Variants in MET observed in about 807,000 individuals in gnomAD.
MET encodes MET proto-oncogene, receptor tyrosine kinase, also known as hepatocyte growth factor receptor.
Under a neutral mutation model 133.1 loss-of-function variants are expected in MET, and 48 were observed. That is an observed-to-expected ratio of 0.36 (90% confidence interval 0.29 to 0.46). The LOEUF is 0.46. Ranked by LOEUF, MET falls within the 20% of genes least tolerant of loss-of-function variation. MET has a pLI of 1.00. For synonymous variants in MET, 628 were observed against 616.5 expected (o/e 1.02, Z -0.28); for missense variants, 1,442 against 1,695.9 (o/e 0.85, Z 2.63).
At chr7:116,726,133 CTATATATATGTATATA>C (rs1562899950) in intron 2 of MET, among the ~76,000 whole-genome samples, 1 of 7,818 alleles carries the variant, frequency 1.3e-4, no homozygotes, top group Non-Finnish European at 2.6e-4. Flanking sequence ...CAGCACATGA[CTATATATATGTATATA>C]TATATATATA....
At chr7:116,740,308 T>A (rs751079775) in intron 4 of MET, among the ~76,000 whole-genome samples, 2 of 152,204 alleles carry the variant, frequency 1.3e-5, no homozygotes, top group African/African-American at 4.8e-5. Context: ...TCTCCTTTTG[T>A]CCTATATTTC....
At chr7:116,770,119 G>A (rs1794784787) in intron 12 of MET, among the ~76,000 whole-genome samples, 1 of 152,152 alleles carries the variant, frequency 6.6e-6, no homozygotes, top group Admixed American at 6.5e-5. Flanking sequence ...ACCCCAGGAG[G>A]CCAGAGCCAG....
At chr7:116,686,245 G>T (rs190577791) in intron 1 of MET, among the ~76,000 whole-genome samples, 2 of 152,284 alleles carry the variant, frequency 1.3e-5, no homozygotes, top group Non-Finnish European at 2.9e-5. Flanking sequence ...TCAGCTCCCG[G>T]TCAACAAAGT....
At chr7:116,697,651 T>G (rs1034950470) in intron 1 of MET, among the ~76,000 whole-genome samples, 2 of 152,202 alleles carry the variant, frequency 1.3e-5, no homozygotes, top group African/African-American at 4.8e-5. Flanking sequence ...TTTAACACCT[T>G]CTGCATCTCA....
chr7:116,700,263 T>C lies in MET; in HGVS notation c.1179T>C (p.Asn393=), dbSNP rs1430726033. Residue 393 remains asparagine, a synonymous_variant, in exon 2 of 21, where the codon AAT becomes AAC. Coordinates refer to ENST00000397752, the MANE Select transcript of MET (RefSeq NM_000245.4). ...GTCTCCAGCATTTTTACGGACCCAATCATGAGCACTGCTTTAATAGGGTAA... is the reference window on the plus strand; with the variant it reads ...GTCTCCAGCATTTTTACGGACCCAACCATGAGCACTGCTTTAATAGGGTAA... ...VRCLQHFYGP[N]HEHCFNRTLL... is the part of the protein sequence containing the mutation. 6.2e-7 allele frequency: 1 copy of C among 1,603,156 alleles called. No individual in the cohort carries two copies. The highest frequency in any genetic ancestry group is 8.5e-7 in the Non-Finnish European group (1 of 1,178,144).
rs1209392687 is a variant in MET, at chr7:116,769,717, C to T, written c.2656C>T (p.His886Tyr). ...TGGAAATAAGAGCTGTGAGAATATA[C>T]ACTTACATTCTGAAGCCGTTTTATG... ...KVGNKSCENI[H>Y]LHSEAVLCTV... The change falls in exon 12 of 21, where the codon CAC (histidine) becomes TAC (tyrosine). Residue 886 changes from histidine to tyrosine, a missense_variant. Physicochemically the swap from His to Tyr is moderately conservative, Grantham distance 83. Around this residue, in one of 6 missense-constraint regions of MET, gnomAD observed 514 missense variants for 659.6 expected, o/e 0.78. Coordinates refer to ENST00000397752, the MANE Select transcript of MET (RefSeq NM_000245.4). 6.2e-7 allele frequency: 1 copy of T among 1,612,292 alleles called. No homozygotes were observed. The highest frequency in any genetic ancestry group is 1.3e-5 in the African/African-American group (1 of 74,482).
chr7:116,746,701 G>A (rs563747292), intron 5 of MET, among the ~76,000 whole-genome samples: 12 of 148,558 alleles, frequency 8.1e-5, no homozygotes, highest in South Asian at 6.6e-4. Flanking sequence ...AACACCGCAT[G>A]TTCTCACTCA....
intron 1 of MET, among the ~76,000 whole-genome samples, chr7:116,685,375 A>G (rs1340272586): frequency 1.3e-5 from 2 of 152,154 alleles, no homozygotes; most frequent in Non-Finnish European, 2.9e-5. Context: ...CTCCACTTAG[A>G]TGCCTAAAAA....
intron 2 of MET, among the ~76,000 whole-genome samples, chr7:116,729,855 T>A (rs1792931520): frequency 7.9e-5 from 12 of 152,224 alleles, no homozygotes; most frequent in Admixed American, 7.9e-4. Flanking sequence ...CATCTACTTA[T>A]AATTGATTCA....
intron 2 of MET, among the ~76,000 whole-genome samples, chr7:116,716,296 AG>A (rs1792195912): frequency 9.7e-6 from 1 of 103,058 alleles, no homozygotes; most frequent in Non-Finnish European, 2.0e-5. Context: ...AGAGAGAGAG[AG>A]AGAGAGAGAG....
chr7:116,781,157 G>A (rs1201775842), intron 17 of MET, among the ~76,000 whole-genome samples: 3 of 152,038 alleles, frequency 2.0e-5, no homozygotes, highest in Non-Finnish European at 4.4e-5. Context: ...ACTCCAGATT[G>A]GCCAGCTCCA....
chr7:116,765,026 A>G (rs1336567107), intron 11 of MET, among the ~76,000 whole-genome samples: 1 of 152,164 alleles, frequency 6.6e-6, no homozygotes, highest in Non-Finnish European at 1.5e-5. Flanking sequence ...TCAGCCAGGC[A>G]CGGTAGCTCA....
At chr7:116,708,013 C>T (rs1006337812) in intron 2 of MET, among the ~76,000 whole-genome samples, 18 of 152,028 alleles carry the variant, frequency 1.2e-4, no homozygotes, top group African/African-American at 4.1e-4. Context: ...CAAGATTCAA[C>T]CAGAAATTCA....
chr7:116,720,868 T>C (rs1347619289), intron 2 of MET, among the ~76,000 whole-genome samples: 1 of 136,020 alleles, frequency 7.4e-6, no homozygotes, highest in Admixed American at 7.6e-5. Context: ...CTTTTTGATG[T>C]GCTGCTGGAT....
chr7:116,758,195 A>G (rs1794262496), intron 8 of MET, among the ~76,000 whole-genome samples: 1 of 152,140 alleles, frequency 6.6e-6, no homozygotes, highest in South Asian at 2.1e-4. Context: ...TAGAGTTGGA[A>G]GAGCTCAGTT....
intron 2 of MET, among the ~76,000 whole-genome samples, chr7:116,714,025 G>A (rs1401917880): frequency 2.0e-5 from 3 of 152,158 alleles, no homozygotes; most frequent in East Asian, 1.9e-4. Flanking sequence ...ACTAAGTAGA[G>A]GAAAGCAGAA....
At position 116,723,749 on chromosome 7, in the gene MET, G is replaced by A. The variant is rs560845270; in HGVS notation, c.1201-7919G>A. Among the ~76,000 whole-genome samples the A allele has an allele frequency of 9.9e-5, 15 of 152,258 alleles. 1 individual carries two copies. Among genetic ancestry groups the A allele is most frequent in the Non-Finnish European group, 1.5e-4 (10 of 68,018 alleles). ...CTGTTGGAGTACCCTGCCGTGTGAG[G>A]TGTCAGTGTGCCCCTGCTGGGGGGT... On this transcript the variant is annotated intron_variant, in intron 2 of 20. Transcript: ENST00000397752.
At chr7:116,718,497 C>CT (rs945534705) in intron 2 of MET, among the ~76,000 whole-genome samples, 10 of 147,272 alleles carry the variant, frequency 6.8e-5, no homozygotes, top group Admixed American at 3.4e-4. Flanking sequence ...GTGGATAAGC[C>CT]TTTTTTTTTT....
At chr7:116,742,149 T>C (rs922031581) in intron 5 of MET, among the ~76,000 whole-genome samples, 39 of 152,294 alleles carry the variant, frequency 2.6e-4, no homozygotes, top group African/African-American at 9.4e-4. Flanking sequence ...GTAAACAAAA[T>C]GTGCGAGTCA....
Sources: allele counts gnomAD v4.1 joint callset (sites outside exome capture counted in the v4.1 genomes callset), GRCh38; gene constraint gnomAD v4.1.1; regional missense constraint gnomAD v4.1.1; transcripts MANE v1.5; gene names NCBI Gene and HGNC (gene_info 2026-07-23, HGNC 2026-07-21).